BCL7A: variants seen among roughly 807,000 people sequenced by gnomAD.
BCL7A encodes the protein B-cell CLL/lymphoma 7 protein family member A.
A neutral mutation model predicts 28.4 loss-of-function variants in BCL7A; 11 were observed. The ratio of observed to expected loss-of-function variants is 0.39; its 90% confidence interval spans 0.24 to 0.64. The LOEUF (loss-of-function observed/expected upper bound fraction) is 0.64, where lower values mean the gene tolerates loss of function less well. Among genes scored for constraint, BCL7A ranks in the 30% least tolerant of loss-of-function variants. BCL7A has a pLI of 0.50. For missense variants in BCL7A, 222 were observed against 274.8 expected (o/e 0.81, Z 1.36); for synonymous variants, 123 against 103.3 (o/e 1.19, Z -1.15).
At chr12:122,052,418 T>G (rs1884210149) in intron 4 of BCL7A, among the ~76,000 whole-genome samples, 1 of 152,190 alleles carries the variant, frequency 6.6e-6, no homozygotes, top group African/African-American at 2.4e-5. Flanking sequence ...CACAAGGTTG[T>G]GCAACCACCA....
intron 1 of BCL7A, 73 bp from the exon 2 acceptor site, chr12:122,030,627 C>T (rs190918386): frequency 7.2e-7 from 1 of 1,394,358 alleles, no homozygotes; most frequent in Non-Finnish European, 1.0e-6. Context: ...TGCTCTCAGC[C>T]CCAAGGGAGT....
intron 1 of BCL7A, among the ~76,000 whole-genome samples, chr12:122,027,060 G>A (rs1883643964): frequency 6.6e-6 from 1 of 152,134 alleles, no homozygotes; most frequent in Non-Finnish European, 1.5e-5. Flanking sequence ...GGAGGCGCGG[G>A]GCACACCCAG....
At chr12:122,047,136 T>G (rs1002150043) in intron 4 of BCL7A, among the ~76,000 whole-genome samples, 49 of 151,680 alleles carry the variant, frequency 3.2e-4, no homozygotes, top group Admixed American at 2.0e-4. Flanking sequence ...TCTCCTGACC[T>G]CGGGATCCAC....
At chr12:122,025,252 C>G (rs551190544) in intron 1 of BCL7A, among the ~76,000 whole-genome samples, 7 of 151,828 alleles carry the variant, frequency 4.6e-5, no homozygotes, top group South Asian at 2.1e-4. Flanking sequence ...AATCCCAGAG[C>G]TTTGGGAGGC....
rs751998743 is a variant in BCL7A, at chr12:122,035,353, G to T, written c.197G>T (p.Gly66Val). ...CAGAAAAACAAGAATAAGAAAAAAGGCAAGGACGAGAAGTGTGGCTCAGAG... is the reference window on the plus strand; with the variant it reads ...CAGAAAAACAAGAATAAGAAAAAAGTCAAGGACGAGAAGTGTGGCTCAGAG... ...VDDKNKNKKK[G>V]KDEKCGSEVT... is the part of the protein sequence containing the mutation. The change falls in exon 3 of 6, where the codon GGC becomes GTC. Residue 66 changes from glycine to valine, a missense_variant. This residue lies in a region of BCL7A where 67 missense variants were observed against 129.1 expected (regional missense o/e 0.52). Coordinates refer to ENST00000261822, the MANE Select transcript of BCL7A (RefSeq NM_001024808.3). 4 of 1,613,996 alleles carry T rather than the reference G, an allele frequency of 2.5e-6. No homozygotes were observed. Among genetic ancestry groups the T allele is most frequent in the African/African-American group, 2.7e-5 (2 of 74,938 alleles).
At chr12:122,023,747 C>T (rs576953570) in intron 1 of BCL7A, among the ~76,000 whole-genome samples, 1 of 152,312 alleles carries the variant, frequency 6.6e-6, no homozygotes, top group African/African-American at 2.4e-5. Context: ...GCAGAAACAG[C>T]TGCAGGCCAA....
At chr12:122,047,456 G>A (rs1420145238) in intron 4 of BCL7A, among the ~76,000 whole-genome samples, 5 of 151,968 alleles carry the variant, frequency 3.3e-5, no homozygotes, top group Non-Finnish European at 5.9e-5. Context: ...CTCGGGAGGC[G>A]GAGCTTGTGT....
At chr12:122,027,831 C>T (rs138339537) in intron 1 of BCL7A, among the ~76,000 whole-genome samples, 70 of 151,554 alleles carry the variant, frequency 4.6e-4, no homozygotes, top group African/African-American at 1.6e-3. Flanking sequence ...AGCAGGAGTC[C>T]GTCTCAAAAA....
chr12:122,048,303 C>A (rs1916332), intron 4 of BCL7A, among the ~76,000 whole-genome samples: 104,143 of 151,964 alleles, frequency 0.69, 36,220 homozygotes, highest in African/African-American at 0.81. Flanking sequence ...TGTCTGAATC[C>A]AACAGCCCAC....
intron 5 of BCL7A, among the ~76,000 whole-genome samples, chr12:122,057,256 G>A (rs146760574): frequency 7.2e-5 from 11 of 152,330 alleles, no homozygotes; most frequent in Non-Finnish European, 1.0e-4. Context: ...CAAGACAGGA[G>A]CCAGCTTGAA....
At chr12:122,028,855 T>A (rs1883683694) in intron 1 of BCL7A, among the ~76,000 whole-genome samples, 1 of 152,222 alleles carries the variant, frequency 6.6e-6, no homozygotes, top group Non-Finnish European at 1.5e-5. Context: ...ATGGTTGCTC[T>A]AACAACTGAG....
At chr12:122,056,752 G>A (rs189865409) in intron 5 of BCL7A, among the ~76,000 whole-genome samples, 1 of 152,268 alleles carries the variant, frequency 6.6e-6, no homozygotes, top group East Asian at 1.9e-4. Context: ...GCTGCAGTGG[G>A]CTATGATCCT....
In BCL7A at chr12:122,021,933, T is replaced by TGTGG; in HGVS notation, c.-156_-155insGGTG. On this transcript the variant is annotated 5_prime_UTR_variant, in exon 1 of 6. An upstream open reading frame in the 5' UTR loses its in-frame stop. Transcript: ENST00000261822. ...CCCGGGCTTTGTGTGTGTGTGTATG[T>TGTGG]GTGTGTGTGTGTGTGTGTGTGTGTG... The TGTGG allele has an allele frequency of 1.9e-6, 1 of 519,906 alleles. No individual in the cohort carries two copies. Among genetic ancestry groups the TGTGG allele is most frequent in the African/African-American group, 2.1e-5 (1 of 48,714 alleles). 32.2% of individuals were successfully genotyped at this position (519,906 alleles called of 1,614,324 possible).
intron 3 of BCL7A, among the ~76,000 whole-genome samples, chr12:122,039,963 G>T (rs997019418): frequency 6.6e-5 from 10 of 152,132 alleles, no homozygotes; most frequent in African/African-American, 2.4e-4. Context: ...ACCTCCCAAA[G>T]TGCTGGGAGT....
chr12:122,043,723 C>T (rs1253006434), intron 3 of BCL7A, among the ~76,000 whole-genome samples, 163 bp from the exon 4 acceptor site: 10 of 145,958 alleles, frequency 6.9e-5, no homozygotes, highest in African/African-American at 2.1e-4. Context: ...GTTGACAGAG[C>T]GAGATCCGTC....
chr12:122,061,037 T>C lies in BCL7A; in HGVS notation c.*1874T>C. ...TTGTTGAGAACTGTGTCCTGCATCCTGGCGCAGAACCTACCTGATGCGGTT... is the reference window on the plus strand; with the variant it reads ...TTGTTGAGAACTGTGTCCTGCATCCCGGCGCAGAACCTACCTGATGCGGTT... On this transcript the variant is annotated 3_prime_UTR_variant, in exon 6 of 6. Coordinates refer to ENST00000261822, the MANE Select transcript of BCL7A (RefSeq NM_001024808.3). 1 of 227,174 alleles carries C rather than the reference T, an allele frequency of 4.4e-6. No homozygotes were observed. The highest frequency in any genetic ancestry group is 8.8e-6 in the Non-Finnish European group (1 of 113,958). 14.1% of individuals were successfully genotyped at this position (227,174 alleles called of 1,614,324 possible). A position where few individuals can be genotyped will look rare whatever the true frequency, so the allele number is the denominator to read the frequency against.
intron 2 of BCL7A, among the ~76,000 whole-genome samples, chr12:122,034,269 G>C (rs1883805332): frequency 1.4e-5 from 2 of 139,286 alleles, no homozygotes; most frequent in African/African-American, 2.7e-5. Context: ...CATATGTTAA[G>C]TGTTAGTATT....
intron 5 of BCL7A, among the ~76,000 whole-genome samples, chr12:122,055,923 A>G (rs1414455170): frequency 6.6e-6 from 1 of 152,114 alleles, no homozygotes; most frequent in Non-Finnish European, 1.5e-5. Context: ...GGCAACTTCA[A>G]AATCTTTAAA....
At chr12:122,044,206 G>A in intron 4 of BCL7A, 153 bp downstream of exon 4, 1 of 911,088 alleles carries the variant, frequency 1.1e-6, no homozygotes, top group South Asian at 1.9e-5. Flanking sequence ...GGTCTCGTGG[G>A]GGAATTAAAA....
Sources: gnomAD v4.1 joint callset for allele counts (sites outside exome capture counted in the v4.1 genomes callset) on GRCh38, gnomAD v4.1.1 for gene constraint, gnomAD v4.1.1 regional missense constraint, MANE v1.5 for transcripts, NCBI Gene and HGNC (gene_info 2026-07-23, HGNC 2026-07-21) for gene names.